Variants in SH3BGRL2 observed in about 807,000 individuals in gnomAD.
SH3BGRL2 encodes the protein SH3 domain binding glutamate rich protein like 2.
A neutral mutation model predicts 14.8 loss-of-function variants in SH3BGRL2; 21 were observed. That is an observed-to-expected ratio of 1.42 (90% CI 1.01 to 2.05). The LOEUF (loss-of-function observed/expected upper bound fraction) is 2.05, where lower values mean the gene tolerates loss of function less well. SH3BGRL2 is among the 30% of genes most tolerant of loss of function. The pLI is 0.00. For missense variants in SH3BGRL2, 147 were observed against 130.8 expected, an observed-to-expected ratio of 1.12 and a Z score of -0.61; for synonymous variants, 50 against 47.8, an observed-to-expected ratio of 1.05 and a Z score of -0.19.
At chr6:79,654,494 G>T (rs568386443) in intron 1 of SH3BGRL2, among the ~76,000 whole-genome samples, 3 of 152,284 alleles carry the variant, frequency 2.0e-5, no homozygotes, top group Non-Finnish European at 2.9e-5. Context: ...CTCCTTTACA[G>T]ATAAAGACCG....
chr6:79,690,833 C>T (rs575948136), intron 2 of SH3BGRL2, among the ~76,000 whole-genome samples: 4 of 152,220 alleles, frequency 2.6e-5, no homozygotes, highest in Admixed American at 2.0e-4. Context: ...AGGAAGATTG[C>T]TTGAGCCCTG....
the SH3BGRL2 span, among the ~76,000 whole-genome samples, chr6:79,594,040 C>T: frequency 2.2e-5 from 3 of 135,026 alleles, no homozygotes; most frequent in African/African-American, 8.1e-5. Flanking sequence ...AAAAAAAAAA[C>T]CCAAAAACTT....
chr6:79,605,758 T>TA, the SH3BGRL2 span, among the ~76,000 whole-genome samples: 4 of 152,366 alleles, frequency 2.6e-5, no homozygotes, highest in South Asian at 8.3e-4. Flanking sequence ...CATGTGCTGT[T>TA]AATCTAGTCA....
chr6:79,561,656 G>C, the SH3BGRL2 span: 1 of 152,162 alleles, frequency 6.6e-6, no homozygotes, highest in Non-Finnish European at 1.5e-5. Flanking sequence ...GGTTGCATTT[G>C]AGATGACCGC....
At chr6:79,571,303 A>G in the SH3BGRL2 span, among the ~76,000 whole-genome samples, 3 of 152,328 alleles carry the variant, frequency 2.0e-5, no homozygotes, top group South Asian at 6.2e-4. Context: ...TACACATAGT[A>G]AAACCATCTT....
intron 1 of SH3BGRL2, among the ~76,000 whole-genome samples, chr6:79,639,500 G>A (rs1206480448): frequency 6.6e-6 from 1 of 152,058 alleles, no homozygotes; most frequent in African/African-American, 2.4e-5. Flanking sequence ...GAGGCAGGAG[G>A]AGTGCCTGAA....
the SH3BGRL2 span, among the ~76,000 whole-genome samples, chr6:79,615,245 C>T: frequency 2.6e-5 from 4 of 152,154 alleles, no homozygotes; most frequent in African/African-American, 9.7e-5. Context: ...AGTGGGAGGG[C>T]TCAAAAGGAG....
chr6:79,573,047 C>T, the SH3BGRL2 span, among the ~76,000 whole-genome samples: 1 of 152,068 alleles, frequency 6.6e-6, no homozygotes, highest in African/African-American at 2.4e-5. Context: ...GTTTCATTTT[C>T]TATTTATTGA....
intron 1 of SH3BGRL2, among the ~76,000 whole-genome samples, chr6:79,645,313 T>C (rs901036889): frequency 2.6e-5 from 4 of 152,294 alleles, no homozygotes; most frequent in African/African-American, 7.2e-5. Flanking sequence ...TTAAATTCTT[T>C]TGAGCAAATA....
At chr6:79,627,463 T>C (rs1431033387), upstream of SH3BGRL2, among the ~76,000 whole-genome samples, 1 of 152,172 alleles carries the variant, frequency 6.6e-6, no homozygotes, top group Non-Finnish European at 1.5e-5. Flanking sequence ...TCAATTATCA[T>C]TAGAATATTG....
chr6:79,696,940 C>T (rs988702451), intron 3 of SH3BGRL2, among the ~76,000 whole-genome samples: 6 of 151,984 alleles, frequency 3.9e-5, no homozygotes, highest in Non-Finnish European at 7.4e-5. Flanking sequence ...TTTAAATTTA[C>T]TTTCATTGGA....
At chr6:79,693,825 G>A (rs936508263) in intron 2 of SH3BGRL2, among the ~76,000 whole-genome samples, 1 of 152,176 alleles carries the variant, frequency 6.6e-6, no homozygotes, top group East Asian at 1.9e-4. Flanking sequence ...GAAATAGTGA[G>A]ATTAGACAAA....
chr6:79,561,149 G>A, the SH3BGRL2 span: 1 of 150,954 alleles, frequency 6.6e-6, no homozygotes, highest in Non-Finnish European at 1.5e-5. Flanking sequence ...CAAAGTGCTG[G>A]GATTACAGGC....
At chr6:79,697,125 A>G (rs1770348319) in intron 3 of SH3BGRL2, among the ~76,000 whole-genome samples, 1 of 152,160 alleles carries the variant, frequency 6.6e-6, no homozygotes, top group Non-Finnish European at 1.5e-5. Context: ...AACTTTATTA[A>G]GCTTATAGAT....
chr6:79,699,493 T>A lies in SH3BGRL2; in HGVS notation c.313-5T>A, dbSNP rs200982121. 3.5e-5 allele frequency: 49 copies of A among 1,407,430 alleles called. No individual in the cohort carries two copies. The highest frequency in any genetic ancestry group is 3.5e-4 in the African/African-American group (20 of 57,592). 87.2% of individuals were successfully genotyped at this position (1,407,430 alleles called of 1,614,324 possible). A position where few individuals can be genotyped will look rare whatever the true frequency, so the allele number is the denominator to read the frequency against. On this transcript the variant is annotated splice_polypyrimidine_tract_variant and splice_region_variant and intron_variant, in intron 3 of 3. Coordinates refer to ENST00000369838, the MANE Select transcript of SH3BGRL2 (RefSeq NM_031469.4). ...TTTTTTTTTTTTTTTTTTTTTTTTT[T>A]ATAGGCAGAACCTTAGAGAAGAAGA...
At chr6:79,593,678 G>T in the SH3BGRL2 span, among the ~76,000 whole-genome samples, 1 of 152,192 alleles carries the variant, frequency 6.6e-6, no homozygotes. Context: ...ATGGAGGTTT[G>T]TAGTCATTTT....
intron 1 of SH3BGRL2, among the ~76,000 whole-genome samples, chr6:79,638,393 A>G (rs1768967159): frequency 6.6e-6 from 1 of 152,320 alleles, no homozygotes; most frequent in Non-Finnish European, 1.5e-5. Flanking sequence ...TATTGTGAAT[A>G]GTGCTGCAAC....
chr6:79,678,796 G>A (rs545621614), intron 2 of SH3BGRL2, among the ~76,000 whole-genome samples: 37 of 152,224 alleles, frequency 2.4e-4, no homozygotes, highest in Admixed American at 8.5e-4. Context: ...GTGGTTCGCA[G>A]TGTCAATTGT....
At chr6:79,557,075 C>T in the SH3BGRL2 span, among the ~76,000 whole-genome samples, 6 of 151,774 alleles carry the variant, frequency 4.0e-5, no homozygotes, top group South Asian at 2.1e-4. Flanking sequence ...TTTCTGCCTA[C>T]GTGAAAAAAC....
Sources: gnomAD v4.1 joint callset for allele counts (sites outside exome capture counted in the v4.1 genomes callset) on GRCh38, gnomAD v4.1.1 for gene constraint, MANE v1.5 for transcripts, NCBI Gene and HGNC (gene_info 2026-07-23, HGNC 2026-07-21) for gene names.